The following B4GALT6 variants were observed in gnomAD, a reference collection of about 807,000 sequenced individuals.
B4GALT6 encodes the protein UDP-Gal:beta-GlcNAc beta-1,4-galactosyltransferase 6.
In B4GALT6, 14 loss-of-function variants were observed where a neutral mutation model predicts 46.3. The observed-to-expected ratio is 0.30, with a 90% confidence interval of 0.20 to 0.47. The LOEUF is 0.47. B4GALT6 is among the 20% of genes least tolerant of loss of function. The pLI is 0.99. For missense variants in B4GALT6, 386 were observed against 480.1 expected, an observed-to-expected ratio of 0.80 and a Z score of 1.83; for synonymous variants, 168 against 162.0, an observed-to-expected ratio of 1.04 and a Z score of -0.28.
At chr18:31,711,872 A>G in the B4GALT6 span, among the ~76,000 whole-genome samples, 1 of 152,210 alleles carries the variant, frequency 6.6e-6, no homozygotes, top group African/African-American at 2.4e-5. Context: ...AAAATGAAAG[A>G]AATTGAATTA....
chr18:31,628,736 T>C (rs932054724), intron 6 of B4GALT6, among the ~76,000 whole-genome samples: 2 of 152,182 alleles, frequency 1.3e-5, no homozygotes, highest in Non-Finnish European at 2.9e-5. Context: ...GACCAGGCCT[T>C]GATCTACTGC....
At chr18:31,712,559 A>G in the B4GALT6 span, among the ~76,000 whole-genome samples, 1 of 151,792 alleles carries the variant, frequency 6.6e-6, no homozygotes, top group Non-Finnish European at 1.5e-5. Context: ...TGCCTGATCC[A>G]CCTGCCTCAG....
intron 5 of B4GALT6, among the ~76,000 whole-genome samples, chr18:31,633,962 T>C (rs1430621570): frequency 6.6e-6 from 1 of 152,220 alleles, no homozygotes; most frequent in East Asian, 1.9e-4. Flanking sequence ...GTTGAATAAA[T>C]GAAACCGGGC....
At chr18:31,664,292 A>T (rs1170755712) in intron 2 of B4GALT6, among the ~76,000 whole-genome samples, 1 of 152,202 alleles carries the variant, frequency 6.6e-6, no homozygotes, top group Non-Finnish European at 1.5e-5. Context: ...GAGTTCTTTC[A>T]CATGAGAACA....
rs1172347863 is a variant in B4GALT6 at position 31,626,999 on chromosome 18, C to G, written c.899G>C (p.Arg300Thr). 1 of 1,605,380 alleles carries G rather than the reference C, an allele frequency of 6.2e-7. No individual in the cohort carries two copies. Among genetic ancestry groups the G allele is most frequent in the Admixed American group, 1.7e-5 (1 of 58,490 alleles). ...GTGAACAATTTGTACCTCAACATACCTGTTCCAAAGGTCATCATCTTCTCC... is the reference window on the plus strand; with the variant it reads ...GTGAACAATTTGTACCTCAACATACGTGTTCCAAAGGTCATCATCTTCTCC... Reference protein sequence around the residue: ...WGGEDDDLWNRVHYAGYNVTR... With the variant: ...WGGEDDDLWNTVHYAGYNVTR... The change falls in exon 7 of 9, where the codon AGA (arginine) becomes ACA (threonine). Residue 300 changes from arginine (R) to threonine (T), a missense_variant and splice_region_variant. Arg to Thr is a moderately conservative substitution (Grantham distance 71, BLOSUM62 -1). Coordinates refer to ENST00000306851, the MANE Select transcript of B4GALT6 (RefSeq NM_004775.5).
At chr18:31,690,587 C>G (rs918094422), upstream of B4GALT6, among the ~76,000 whole-genome samples, 1 of 152,160 alleles carries the variant, frequency 6.6e-6, no homozygotes, top group Non-Finnish European at 1.5e-5. Context: ...CTGCTGGCCT[C>G]AGCCTCCCAA....
the B4GALT6 span, among the ~76,000 whole-genome samples, chr18:31,710,582 G>A: frequency 9.2e-5 from 14 of 152,166 alleles, no homozygotes; most frequent in East Asian, 5.8e-4. Context: ...CACAAGAAAC[G>A]AGGAGAGAAG....
chr18:31,640,637 G>T (rs9950458), intron 4 of B4GALT6, among the ~76,000 whole-genome samples: 1 of 151,982 alleles, frequency 6.6e-6, no homozygotes, highest in Non-Finnish European at 1.5e-5. Context: ...GCCCAACTTT[G>T]GGTCCCATTC....
intron 1 of B4GALT6, among the ~76,000 whole-genome samples, chr18:31,666,617 GAACA>G (rs898044903): frequency 7.2e-5 from 11 of 151,934 alleles, no homozygotes; most frequent in East Asian, 3.9e-4. Flanking sequence ...GAAACTAACT[GAACA>G]AACTAAAATA....
intron 5 of B4GALT6, among the ~76,000 whole-genome samples, 185 bp downstream of exon 5, chr18:31,638,459 G>A (rs1047607456): frequency 2.0e-5 from 3 of 152,092 alleles, no homozygotes; most frequent in South Asian, 2.1e-4. Flanking sequence ...CCTGGGGGGC[G>A]GAGCTTGCAG....
At chr18:31,661,558 A>G (rs140579059) in intron 2 of B4GALT6, among the ~76,000 whole-genome samples, 7 of 152,312 alleles carry the variant, frequency 4.6e-5, no homozygotes, top group African/African-American at 1.4e-4. Flanking sequence ...ACACACACAC[A>G]CACAGAGTTC....
In B4GALT6 at chr18:31,666,311, T is replaced by A; in HGVS notation, c.177A>T (p.Thr59=). 1 of 1,610,776 alleles carries A rather than the reference T, an allele frequency of 6.2e-7. No homozygotes were observed. The highest frequency in any genetic ancestry group is 8.5e-7 in the Non-Finnish European group (1 of 1,178,348). The change falls in exon 2 of 9, where the codon ACA becomes ACT. Residue 59 remains threonine (T), a synonymous_variant. Coordinates refer to ENST00000306851, the MANE Select transcript of B4GALT6 (RefSeq NM_004775.5). ...RGIMLRENVK[T]IGHMIRLYTN... The stretch of plus-strand genomic sequence containing the variant: ...TGTACAGCCTGATCATATGACCTAT[T>A]GTTTTCACATTTTCTCTCAACATTA...
chr18:31,693,595 A>G, the B4GALT6 span, among the ~76,000 whole-genome samples: 1 of 152,226 alleles, frequency 6.6e-6, no homozygotes, highest in Admixed American at 6.5e-5. Context: ...TAATACTATA[A>G]ATAAACTGAA....
chr18:31,647,308 AG>A (rs900479050), intron 3 of B4GALT6, among the ~76,000 whole-genome samples: 1 of 152,194 alleles, frequency 6.6e-6, no homozygotes, highest in Non-Finnish European at 1.5e-5. Flanking sequence ...TATTGTCAGC[AG>A]TTTTCTCCAG....
the B4GALT6 span, among the ~76,000 whole-genome samples, chr18:31,696,160 C>T: frequency 6.6e-6 from 1 of 152,014 alleles, no homozygotes; most frequent in African/African-American, 2.4e-5. Context: ...ACATGGAGAG[C>T]AGACATAAAA....
chr18:31,687,340 T>C (rs1462138837), upstream of B4GALT6, among the ~76,000 whole-genome samples: 4 of 152,208 alleles, frequency 2.6e-5, no homozygotes, highest in Non-Finnish European at 5.9e-5. Flanking sequence ...CTGTCCACAG[T>C]AACAAATGAT....
At chr18:31,646,845 T>C (rs1428236372) in intron 3 of B4GALT6, among the ~76,000 whole-genome samples, 1 of 152,214 alleles carries the variant, frequency 6.6e-6, no homozygotes, top group Non-Finnish European at 1.5e-5. Context: ...AATACCTGCT[T>C]CCCAGAATAA....
At position 31,625,414 on chromosome 18, in the gene B4GALT6, A is replaced by C; in HGVS notation, c.*200T>G. 1.9e-6 allele frequency: 1 copy of C among 518,708 alleles called. No homozygotes were observed. Among genetic ancestry groups the C allele is most frequent in the South Asian group, 3.3e-5 (1 of 29,924 alleles). 32.1% of individuals were successfully genotyped at this position (518,708 alleles called of 1,614,324 possible). ...GCTTCCCGTTTCTGCGGTGCTCGCC[A>C]CAGGGGTGTGTCTCAGAGCAGGGAG... On this transcript the variant is annotated 3_prime_UTR_variant, in exon 9 of 9. Coordinates refer to ENST00000306851, the MANE Select transcript of B4GALT6 (RefSeq NM_004775.5).
At chr18:31,711,135 CTT>C in the B4GALT6 span, among the ~76,000 whole-genome samples, 1 of 152,214 alleles carries the variant, frequency 6.6e-6, no homozygotes, top group Non-Finnish European at 1.5e-5. Flanking sequence ...AGAGGTATCT[CTT>C]AAAAATTTGT....
Sources: gnomAD v4.1 joint callset for allele counts (sites outside exome capture counted in the v4.1 genomes callset) on GRCh38, gnomAD v4.1.1 for gene constraint, MANE v1.5 for transcripts, NCBI Gene and HGNC (gene_info 2026-07-23, HGNC 2026-07-21) for gene names.